Variants in BLTP1 observed in about 807,000 individuals in gnomAD.
BLTP1 encodes bridge-like lipid transfer protein family member 1, also known as fragile site-associated protein.
the BLTP1 span, chr4:122,239,931 A>G: frequency 5.6e-6 from 9 of 1,614,054 alleles, no homozygotes; most frequent in Non-Finnish European, 7.6e-6. Context: ...TCCGGGTAGA[A>G]AAAAGAAGAA....
chr4:122,240,380 T>G, the BLTP1 span: 11 of 1,557,454 alleles, frequency 7.1e-6, no homozygotes, highest in Non-Finnish European at 8.7e-6. Context: ...TAGTTTCCAT[T>G]GATATCTTGA....
chr4:122,235,528 G>T, the BLTP1 span: 1 of 969,106 alleles, frequency 1.0e-6, no homozygotes, highest in Non-Finnish European at 1.2e-6. Context: ...AACTCTGGCC[G>T]GGCGTGGTGG....
chr4:122,214,702 G>T, the BLTP1 span: 1 of 188,768 alleles, frequency 5.3e-6, no homozygotes, highest in African/African-American at 2.9e-5. Flanking sequence ...CTGCAGCCTC[G>T]ACTTCCTGGG....
At chr4:122,282,487 C>T in the BLTP1 span, among the ~76,000 whole-genome samples, 10 of 152,156 alleles carry the variant, frequency 6.6e-5, no homozygotes, top group Admixed American at 5.2e-4. Context: ...GTTAAAAATA[C>T]AAAAATTAGC....
the BLTP1 span, chr4:122,311,046 T>G: frequency 1.3e-5 from 3 of 238,880 alleles, no homozygotes; most frequent in Non-Finnish European, 2.0e-5. Context: ...TTAAACTTAG[T>G]GATTTTTATT....
At chr4:122,362,426 A>G in the BLTP1 span, 1 of 473,164 alleles carries the variant, frequency 2.1e-6, no homozygotes, top group Non-Finnish European at 3.7e-6. Context: ...GAAGTATTGC[A>G]TGATAATGTA....
chr4:122,248,998 C>T, the BLTP1 span: 1 of 917,186 alleles, frequency 1.1e-6, no homozygotes, highest in African/African-American at 1.8e-5. Flanking sequence ...TGTTAATTTC[C>T]ACAGTGTATC....
chr4:122,273,468 C>G, the BLTP1 span: 2 of 976,998 alleles, frequency 2.0e-6, no homozygotes, highest in Non-Finnish European at 2.4e-6. Flanking sequence ...CACAAATGCT[C>G]AGATGTCTAA....
the BLTP1 span, chr4:122,229,221 G>A: frequency 1.2e-6 from 2 of 1,607,348 alleles, no homozygotes; most frequent in Non-Finnish European, 1.7e-6. Context: ...GTTGAGCATG[G>A]TTGTGCTACA....
At chr4:122,361,935 G>T in the BLTP1 span, 1 of 1,406,240 alleles carries the variant, frequency 7.1e-7, no homozygotes, top group Middle Eastern at 2.5e-4. Flanking sequence ...TTTGTCTTGA[G>T]TATATTATAG....
chr4:122,255,137 A>G, the BLTP1 span: 17 of 1,603,160 alleles, frequency 1.1e-5, no homozygotes, highest in Non-Finnish European at 1.5e-5. Context: ...TTAGAATAAA[A>G]GTGTACATTT....
At chr4:122,249,337 T>C in the BLTP1 span, 1 of 1,274,314 alleles carries the variant, frequency 7.8e-7, no homozygotes, top group Admixed American at 2.9e-5. Flanking sequence ...TTCTAAAAGT[T>C]AGCTCATTTG....
At chr4:122,237,218 G>T in the BLTP1 span, 1 of 985,304 alleles carries the variant, frequency 1.0e-6, no homozygotes, top group Non-Finnish European at 1.2e-6. Context: ...AGGGATGGTA[G>T]GAGGAGGGGG....
the BLTP1 span, chr4:122,244,905 G>A: frequency 7.8e-7 from 1 of 1,282,356 alleles, no homozygotes; most frequent in Non-Finnish European, 1.1e-6. Flanking sequence ...TCATTTCAAT[G>A]TTGAGCAATT....
At chr4:122,280,469 T>G in the BLTP1 span, among the ~76,000 whole-genome samples, 1 of 152,072 alleles carries the variant, frequency 6.6e-6, no homozygotes, top group Non-Finnish European at 1.5e-5. Context: ...TGTTCATACA[T>G]CTTCACTGCT....
chr4:122,215,090 A>G, the BLTP1 span, among the ~76,000 whole-genome samples: 2 of 152,262 alleles, frequency 1.3e-5, no homozygotes, highest in African/African-American at 4.8e-5. Flanking sequence ...TTAACTCATG[A>G]AAGAATCCTA....
the BLTP1 span, chr4:122,259,858 CAAA>C: frequency 1.5e-6 from 1 of 664,432 alleles, no homozygotes; most frequent in Non-Finnish European, 1.8e-6. Context: ...GACGCCATCT[CAAA>C]AAAAAAAAAT....
chr4:122,348,884 G>C, the BLTP1 span: 29 of 555,576 alleles, frequency 5.2e-5, no homozygotes, highest in South Asian at 9.2e-4. Context: ...TAAGGATACT[G>C]CAATATAAAA....
chr4:122,227,329 A>AAT, the BLTP1 span: 5 of 986,082 alleles, frequency 5.1e-6, no homozygotes, highest in Non-Finnish European at 6.0e-6. Flanking sequence ...GAGTCATTAC[A>AAT]ATATCTTCAC....
Sources: allele counts gnomAD v4.1 joint callset (sites outside exome capture counted in the v4.1 genomes callset), GRCh38; gene constraint gnomAD v4.1.1; transcripts MANE v1.5; gene names NCBI Gene and HGNC (gene_info 2026-07-23, HGNC 2026-07-21).